EPHA6: variants seen among roughly 807,000 people sequenced by gnomAD.
EPHA6 encodes the protein EPH receptor A6, also known as ephrin type-A receptor 6.
EPHA6 carries 50 observed loss-of-function variants against 112.0 expected under a neutral mutation model. The ratio of observed to expected loss-of-function variants is 0.45; its 90% CI spans 0.36 to 0.56. The LOEUF (loss-of-function observed/expected upper bound fraction) is 0.56, where lower values mean the gene tolerates loss of function less well. Ranked by LOEUF, EPHA6 falls within the 20% of genes least tolerant of loss-of-function variation. The pLI is 0.00. For missense variants in EPHA6, 1,280 were observed against 1,417.4 expected (o/e 0.90, Z 1.56); for synonymous variants, 529 against 490.7 (o/e 1.08, Z -1.03).
At position 96,866,868 on chromosome 3, in the gene EPHA6, G is replaced by T; in HGVS notation, c.429G>T (p.Trp143Cys). The stretch of plus-strand genomic sequence containing the variant: ...CAACTGTACTGGGAGAGCTAGGATG[G>T]AAAACATATCCATTAAATGGGGTAA... The part of the protein sequence containing the change: ...DTTTVLGELG[W>C]KTYPLNGWDA... Residue 143 changes from tryptophan to cysteine, a missense_variant, in exon 2 of 18, where the codon TGG becomes TGT. Trp to Cys is a radical substitution (Grantham distance 215). Coordinates refer to ENST00000389672, the MANE Select transcript of EPHA6 (RefSeq NM_001080448.3). The T allele has an allele frequency of 6.8e-7, 1 of 1,481,104 alleles. No individual in the cohort carries two copies. Among genetic ancestry groups the T allele is most frequent in the Non-Finnish European group, 9.0e-7 (1 of 1,110,858 alleles). The allele number at this position is 1,481,104 out of a possible 1,614,324, so 91.7% of individuals were successfully genotyped here.
intron 6 of EPHA6, among the ~76,000 whole-genome samples, chr3:97,408,340 C>T (rs1183684891): frequency 6.6e-6 from 1 of 151,940 alleles, no homozygotes; most frequent in Admixed American, 6.6e-5. Context: ...CTTCTCTTAT[C>T]TCTGTTCCCT....
At chr3:96,829,947 G>GCT (rs1349079216) in intron 1 of EPHA6, among the ~76,000 whole-genome samples, 1 of 70,460 alleles carries the variant, frequency 1.4e-5, no homozygotes, top group Admixed American at 1.7e-4. Context: ...GTGCGCGCGC[G>GCT]CGCACACACA....
chr3:97,072,706 G>T (rs2046397745), intron 3 of EPHA6, among the ~76,000 whole-genome samples: 1 of 152,010 alleles, frequency 6.6e-6, no homozygotes, highest in African/African-American at 2.4e-5. Context: ...AATAGAAAAA[G>T]ATCTTCATTG....
intron 5 of EPHA6, among the ~76,000 whole-genome samples, chr3:97,323,545 G>C (rs2082222484): frequency 6.6e-6 from 1 of 151,608 alleles, no homozygotes; most frequent in Non-Finnish European, 1.5e-5. Flanking sequence ...CTAAGTCATG[G>C]GAGTTTAAAA....
chr3:97,423,913 A>G (rs2088881765), intron 6 of EPHA6, among the ~76,000 whole-genome samples: 1 of 152,192 alleles, frequency 6.6e-6, no homozygotes, highest in Non-Finnish European at 1.5e-5. Context: ...AGGACTCTCT[A>G]TTCAATCAAT....
chr3:97,148,337 G>T (rs1029856204), intron 3 of EPHA6, among the ~76,000 whole-genome samples: 1 of 152,114 alleles, frequency 6.6e-6, no homozygotes, highest in Middle Eastern at 3.4e-3. Context: ...GTTGGATGTG[G>T]TGGCATGCCC....
intron 5 of EPHA6, among the ~76,000 whole-genome samples, chr3:97,254,540 A>T (rs2079246391): frequency 1.3e-5 from 2 of 150,454 alleles, no homozygotes; most frequent in South Asian, 4.2e-4. Flanking sequence ...ATTTCCTAAA[A>T]TAAATTATTT....
At chr3:97,747,670 A>T in intron 17 of EPHA6, 98 bp downstream of exon 17, 2 of 1,098,460 alleles carry the variant, frequency 1.8e-6, no homozygotes. Context: ...GCTAGTGGGT[A>T]ATTTCCAAGT....
chr3:96,906,313 TG>T (rs1281002416), intron 2 of EPHA6, among the ~76,000 whole-genome samples: 1 of 152,012 alleles, frequency 6.6e-6, no homozygotes, highest in Non-Finnish European at 1.5e-5. Context: ...AGACCAACAC[TG>T]TTATGTGAAA....
intron 5 of EPHA6, among the ~76,000 whole-genome samples, chr3:97,361,910 T>A (rs2084394710): frequency 6.6e-6 from 1 of 152,174 alleles, no homozygotes; most frequent in Non-Finnish European, 1.5e-5. Flanking sequence ...GTCATTACAC[T>A]ATATCTAAAA....
chr3:97,281,325 T>C (rs1192806322), intron 5 of EPHA6, among the ~76,000 whole-genome samples: 2 of 152,104 alleles, frequency 1.3e-5, no homozygotes, highest in African/African-American at 2.4e-5. Context: ...TATAACTTCT[T>C]TGGGGGAAAA....
chr3:97,624,576 A>C (rs2093840364), intron 13 of EPHA6, among the ~76,000 whole-genome samples: 1 of 151,512 alleles, frequency 6.6e-6, no homozygotes, highest in Non-Finnish European at 1.5e-5. Flanking sequence ...ATGAATCAAA[A>C]TGTCTCTCTC....
chr3:97,275,487 T>G (rs548118344), intron 5 of EPHA6, among the ~76,000 whole-genome samples: 1 of 151,612 alleles, frequency 6.6e-6, no homozygotes, highest in African/African-American at 2.4e-5. Flanking sequence ...AAATAATGGG[T>G]TGTGGAGGGA....
At chr3:97,265,484 C>T (rs1487262706) in intron 5 of EPHA6, among the ~76,000 whole-genome samples, 1 of 152,184 alleles carries the variant, frequency 6.6e-6, no homozygotes, top group Non-Finnish European at 1.5e-5. Context: ...TCCGGCAGGG[C>T]TGTGACAGCG....
At chr3:97,663,462 C>A (rs2094183357) in intron 14 of EPHA6, among the ~76,000 whole-genome samples, 1 of 151,726 alleles carries the variant, frequency 6.6e-6, no homozygotes, top group South Asian at 2.1e-4. Context: ...TTAGGCATAT[C>A]TCCTAATGCT....
chr3:96,815,753 G>GGAAT (rs2107188726), intron 1 of EPHA6, among the ~76,000 whole-genome samples: 1 of 152,204 alleles, frequency 6.6e-6, no homozygotes, highest in South Asian at 2.1e-4. Flanking sequence ...GAAAGCCCTT[G>GGAAT]GAATATTTGA....
chr3:97,060,086 A>G (rs904412708), intron 3 of EPHA6, among the ~76,000 whole-genome samples: 68 of 152,322 alleles, frequency 4.5e-4, no homozygotes, highest in African/African-American at 1.6e-3. Flanking sequence ...ACACCATTGC[A>G]CTCAAGCCTG....
intron 2 of EPHA6, among the ~76,000 whole-genome samples, chr3:96,938,306 C>T (rs2040721098): frequency 6.6e-6 from 1 of 152,002 alleles, no homozygotes; most frequent in Non-Finnish European, 1.5e-5. Context: ...TCTAGTTCTC[C>T]TTGAAGAGGT....
Position 97,483,964 on chromosome 3 carries a change from A to G in EPHA6, c.2105A>G (p.Asp702Gly). The change falls in exon 10 of 18, where the codon GAT becomes GGT. Residue 702 changes from aspartate (D) to glycine (G), a missense_variant. Around this residue, in one of 4 missense-constraint regions of EPHA6, gnomAD observed 878 missense variants for 999.7 expected, o/e 0.88. Coordinates refer to ENST00000389672, the MANE Select transcript of EPHA6 (RefSeq NM_001080448.3). ...LRFPGIKTYI[D>G]PDTYEDPSLA... Reference sequence around the variant, plus strand: ...TTCCCGGGAATTAAAACTTACATTGATCCAGATACATATGAAGACCCATCC... The same window carrying G: ...TTCCCGGGAATTAAAACTTACATTGGTCCAGATACATATGAAGACCCATCC... The G allele has an allele frequency of 6.2e-7, 1 of 1,605,682 alleles. No individual in the cohort carries two copies. Among genetic ancestry groups the G allele is most frequent in the Non-Finnish European group, 8.5e-7 (1 of 1,176,396 alleles).
Sources: allele counts gnomAD v4.1 joint callset (sites outside exome capture counted in the v4.1 genomes callset), GRCh38; gene constraint gnomAD v4.1.1; regional missense constraint gnomAD v4.1.1; transcripts MANE v1.5; gene names NCBI Gene and HGNC (gene_info 2026-07-23, HGNC 2026-07-21).